Variants in RSPRY1 observed in about 807,000 individuals in gnomAD.
RSPRY1 encodes the protein RING finger and SPRY domain-containing protein 1.
RSPRY1 carries 23 observed loss-of-function variants against 73.1 expected under a neutral mutation model. The observed-to-expected ratio is 0.31, with a 90% CI of 0.23 to 0.45. The LOEUF is 0.45. RSPRY1 is among the 20% of genes least tolerant of loss of function. The pLI is 1.00. For missense variants in RSPRY1, 448 were observed against 698.7 expected (o/e 0.64, Z 4.05); for synonymous variants, 226 against 251.4 (o/e 0.90, Z 0.95).
chr16:57,217,416 C>G (rs529595568), intron 8 of RSPRY1, among the ~76,000 whole-genome samples: 2 of 152,152 alleles, frequency 1.3e-5, no homozygotes, highest in Non-Finnish European at 1.5e-5. Flanking sequence ...CTTTACTTCT[C>G]TCCCTTTCCC....
Position 57,230,785 on chromosome 16 carries a change from C to T in RSPRY1, c.1348C>T (p.Pro450Ser). 1 of 1,611,370 alleles carries T rather than the reference C, an allele frequency of 6.2e-7. No homozygotes were observed. Among genetic ancestry groups the T allele is most frequent in the Non-Finnish European group, 8.5e-7 (1 of 1,178,330 alleles). Reference protein sequence around the residue: ...IFFLNGNQLPPEKQVFSSTVS... With the variant: ...IFFLNGNQLPSEKQVFSSTVS... ...CTTTTTAAATGGCAACCAGCTGCCT[C>T]CTGAAAAGCAAGTCTTTTCATCTAC... Residue 450 changes from proline to serine, a missense_variant, in exon 12 of 15, where the codon CCT becomes TCT. Pro to Ser is a moderately conservative substitution (Grantham distance 74). Coordinates refer to ENST00000394420, the MANE Select transcript of RSPRY1 (RefSeq NM_133368.3).
rs1041220482 is a variant in RSPRY1, at chr16:57,226,087, A to G, written c.1162-1255A>G. On this transcript the variant is annotated intron_variant, in intron 10 of 14. Coordinates refer to ENST00000394420, the MANE Select transcript of RSPRY1 (RefSeq NM_133368.3). Reference sequence around the variant, plus strand: ...GAGTGAAACTCCATCTCAAAGAAAAAAAAAGAAGAAACTGCCAAGGACCTG... The same window carrying G: ...GAGTGAAACTCCATCTCAAAGAAAAGAAAAGAAGAAACTGCCAAGGACCTG... Among the ~76,000 whole-genome samples the G allele has an allele frequency of 1.3e-4, 20 of 152,252 alleles. No homozygotes were observed. In the East Asian group the frequency reaches 1.7e-3, roughly 13 times the overall value.
intron 6 of RSPRY1, 46 bp from the exon 7 acceptor site, chr16:57,216,061 G>T (rs765542057): frequency 7.4e-7 from 1 of 1,347,244 alleles, no homozygotes; most frequent in South Asian, 1.2e-5. Flanking sequence ...CACCTCTGCA[G>T]GGGAATGATT....
intron 13 of RSPRY1, among the ~76,000 whole-genome samples, chr16:57,234,230 T>C (rs553398108): frequency 6.6e-6 from 1 of 152,258 alleles, no homozygotes; most frequent in Admixed American, 6.5e-5. Context: ...AAACGGTTTC[T>C]CCAAACAACC....
chr16:57,216,982 A>G lies in RSPRY1; in HGVS notation c.848A>G (p.Asp283Gly). Residue 283 changes from aspartate (D) to glycine (G), a missense_variant, in exon 8 of 15, where the codon GAT becomes GGT. Asp to Gly is a moderately conservative substitution (Grantham distance 94). Coordinates refer to ENST00000394420, the MANE Select transcript of RSPRY1 (RefSeq NM_133368.3). ...VTLESWANDP[D>G]YLKRQVGFCA... ...TTGGAGTCCTGGGCTAATGATCCTGATTATCTGAAACGTCAAGTTGGTTTC... is the reference window on the plus strand; with the variant it reads ...TTGGAGTCCTGGGCTAATGATCCTGGTTATCTGAAACGTCAAGTTGGTTTC... 1.2e-6 allele frequency: 2 copies of G among 1,614,094 alleles called. No homozygotes were observed. The highest frequency in any genetic ancestry group is 2.2e-5 in the East Asian group (1 of 44,880).
chr16:57,208,101 G>A lies in RSPRY1; in HGVS notation c.394G>A (p.Ala132Thr). 6.3e-7 allele frequency: 1 copy of A among 1,582,198 alleles called. No individual in the cohort carries two copies. The highest frequency in any genetic ancestry group is 8.6e-7 in the Non-Finnish European group (1 of 1,160,326). Residue 132 changes from alanine (A) to threonine (T), a missense_variant, in exon 3 of 15, where the codon GCA becomes ACA. By Grantham distance (58) the Ala-to-Thr change is moderately conservative (BLOSUM62 0). Coordinates refer to ENST00000394420, the MANE Select transcript of RSPRY1 (RefSeq NM_133368.3). ...PYSMITLHEM[A>T]ETDEGWLDVV... ...TTCAATGATAACATTACACGAAATG[G>A]CAGAAACAGGTATTTTTAGTTTTGT...
At chr16:57,231,713 G>A (rs1224290778) in intron 13 of RSPRY1, among the ~76,000 whole-genome samples, 5 of 152,120 alleles carry the variant, frequency 3.3e-5, no homozygotes, top group African/African-American at 7.2e-5. Context: ...CTAACTTCAC[G>A]TGAATGTCAG....
At chr16:57,237,118 G>A (rs1405687791) in intron 14 of RSPRY1, among the ~76,000 whole-genome samples, 1 of 152,136 alleles carries the variant, frequency 6.6e-6, no homozygotes, top group Non-Finnish European at 1.5e-5. Context: ...AGTGAGCAGA[G>A]ATCGTGCCAC....
In RSPRY1 at chr16:57,227,435, C is replaced by G; in HGVS notation, c.1255C>G (p.His419Asp). 6.2e-7 allele frequency: 1 copy of G among 1,613,258 alleles called. No individual in the cohort carries two copies. Among genetic ancestry groups the G allele is most frequent in the Non-Finnish European group, 8.5e-7 (1 of 1,179,228 alleles). The stretch of plus-strand genomic sequence containing the variant: ...CAATGCCAGAAGTAAGCCTCACATA[C>G]ACCCATGCTGGAAAGAAGGTATTCA... Reference protein sequence around the residue: ...WYNARSKPHIHPCWKEGDTVG... With the variant: ...WYNARSKPHIDPCWKEGDTVG... Residue 419 changes from histidine to aspartate, a missense_variant, in exon 11 of 15, where the codon CAC becomes GAC. Coordinates refer to ENST00000394420, the MANE Select transcript of RSPRY1 (RefSeq NM_133368.3).
At chr16:57,186,253 A>G (rs1367915398), upstream of RSPRY1, 2 of 863,328 alleles carry the variant, frequency 2.3e-6, no homozygotes, top group Non-Finnish European at 2.8e-6. Context: ...GCTGTCAAGG[A>G]GAGGGCTTGC....
Position 57,220,824 on chromosome 16 carries a change from A to C in RSPRY1, c.994A>C (p.Lys332Gln), listed in dbSNP as rs2075022667. 4 of 1,612,930 alleles carry C rather than the reference A, an allele frequency of 2.5e-6. No individual in the cohort carries two copies. Among genetic ancestry groups the C allele is most frequent in the Non-Finnish European group, 3.4e-6 (4 of 1,178,874 alleles). ...LNSNDVSEYL[K>Q]ISPHGLEARC... The stretch of plus-strand genomic sequence containing the variant: ...TAGCAATGATGTCAGCGAGTACCTG[A>C]AGATCTCACCTCATGGCTTAGAGGT... The change falls in exon 9 of 15, where the codon AAG becomes CAG. Residue 332 changes from lysine to glutamine, a missense_variant. Physicochemically the swap from Lys to Gln is moderately conservative, Grantham distance 53. Transcript: ENST00000394420.
chr16:57,199,895 G>GTTTTTTTTTTTTTTTTTTTTTTTTTTT (rs61132783), intron 1 of RSPRY1, among the ~76,000 whole-genome samples: 19 of 106,268 alleles, frequency 1.8e-4, no homozygotes, highest in Middle Eastern at 5.9e-3. Flanking sequence ...TTTTTTGTTT[G>GTTTTTTTTTTTTTTTTTTTTTTTTTTT]TTTTTTTTTT....
intron 5 of RSPRY1, 150 bp from the exon 6 acceptor site, chr16:57,213,738 A>G (rs1393879224): frequency 1.5e-6 from 1 of 650,546 alleles, no homozygotes; most frequent in Admixed American, 2.6e-5. Context: ...TAACTGTGAA[A>G]TGGAGCTAGT....
chr16:57,188,234 A>T (rs1193338494), intron 1 of RSPRY1, among the ~76,000 whole-genome samples: 2 of 152,196 alleles, frequency 1.3e-5, no homozygotes, highest in East Asian at 3.8e-4. Context: ...CTTGCTTTGT[A>T]GATCCCTCTA....
At chr16:57,189,490 T>G (rs1422076466) in intron 1 of RSPRY1, among the ~76,000 whole-genome samples, 1 of 150,580 alleles carries the variant, frequency 6.6e-6, no homozygotes, top group Non-Finnish European at 1.5e-5. Context: ...TGTAGCACTG[T>G]GGGGCCTGGA....
chr16:57,220,559 G>T, intron 8 of RSPRY1, 173 bp from the exon 9 acceptor site: 2 of 378,828 alleles, frequency 5.3e-6, no homozygotes, highest in South Asian at 6.1e-5. Flanking sequence ...ATTTTTTTAG[G>T]TTTTCCTAAA....
chr16:57,199,287 GT>G (rs2074513537), intron 1 of RSPRY1, among the ~76,000 whole-genome samples: 1 of 152,186 alleles, frequency 6.6e-6, no homozygotes, highest in African/African-American at 2.4e-5. Context: ...GAAGTCAAGA[GT>G]TTGAGACCAG....
At chr16:57,189,398 C>G (rs2146141021) in intron 1 of RSPRY1, among the ~76,000 whole-genome samples, 1 of 150,982 alleles carries the variant, frequency 6.6e-6, no homozygotes, top group African/African-American at 2.4e-5. Context: ...TAGTAAGTAT[C>G]AAAGGGAAAT....
intron 8 of RSPRY1, among the ~76,000 whole-genome samples, chr16:57,218,500 C>T (rs2074976705): frequency 6.6e-6 from 1 of 152,040 alleles, no homozygotes; most frequent in Non-Finnish European, 1.5e-5. Context: ...ACTACCCTTC[C>T]CAGCCTCTGG....
Sources: gnomAD v4.1 joint callset for allele counts (sites outside exome capture counted in the v4.1 genomes callset) on GRCh38, gnomAD v4.1.1 for gene constraint, MANE v1.5 for transcripts, NCBI Gene and HGNC (gene_info 2026-07-23, HGNC 2026-07-21) for gene names.